Variants in DNMBP observed in about 807,000 individuals in gnomAD.
DNMBP encodes the protein dynamin binding protein, also known as dynamin-binding protein.
In DNMBP, 87 loss-of-function variants were observed where a neutral mutation model predicts 150.0. That is an observed-to-expected ratio of 0.58 (90% CI 0.49 to 0.69). DNMBP has a LOEUF of 0.69. Ranked by LOEUF, DNMBP falls within the 30% of genes least tolerant of loss-of-function variation. The pLI is 0.00. For synonymous variants in DNMBP, 711 were observed against 750.4 expected (o/e 0.95, Z 0.86); for missense variants, 1,774 against 1,949.0 (o/e 0.91, Z 1.69).
At chr10:100,009,005 A>T (rs1247514788) in intron 1 of DNMBP, among the ~76,000 whole-genome samples, 1 of 152,218 alleles carries the variant, frequency 6.6e-6, no homozygotes, top group Non-Finnish European at 1.5e-5. Context: ...TTAATACAAG[A>T]TCTTCATGTT....
At position 99,877,306 on chromosome 10, in the gene DNMBP, G is replaced by C. The variant is rs780944366; in HGVS notation, c.4579C>G (p.Arg1527Gly). 6.2e-7 allele frequency: 1 copy of C among 1,613,424 alleles called. No homozygotes were observed. ...VYFAVYTFKA[R>G]NPNELSVSAN... Reference sequence around the variant, plus strand: ...GACACGCTCAGCTCATTTGGGTTTCGTGCCTTGAAGGTGTAGACAGCAAAA... The same window carrying C: ...GACACGCTCAGCTCATTTGGGTTTCCTGCCTTGAAGGTGTAGACAGCAAAA... The change falls in exon 17 of 17, where the codon CGA (arginine) becomes GGA (glycine). Residue 1527 changes from arginine to glycine, a missense_variant. Transcript: ENST00000324109.
chr10:99,933,903 A>C (rs2040192603), intron 4 of DNMBP, among the ~76,000 whole-genome samples: 1 of 152,044 alleles, frequency 6.6e-6, no homozygotes. Flanking sequence ...TGCCCGGCTA[A>C]AGTTTTGTAA....
chr10:99,892,852 A>T (rs1447936577), intron 11 of DNMBP, among the ~76,000 whole-genome samples: 3 of 152,260 alleles, frequency 2.0e-5, no homozygotes, highest in African/African-American at 7.2e-5. Flanking sequence ...AAGAAGCCAT[A>T]AAATGCAAGT....
At chr10:99,930,359 C>T (rs2040136534) in intron 4 of DNMBP, 1 of 702,878 alleles carries the variant, frequency 1.4e-6, no homozygotes, top group Non-Finnish European at 2.6e-6. Context: ...AGCCATTTGC[C>T]TCCCCGTATC....
chr10:99,896,352 A>G lies in DNMBP; in HGVS notation c.2966T>C (p.Ile989Thr), dbSNP rs1424261292. Residue 989 changes from isoleucine (I) to threonine (T), a missense_variant, in exon 10 of 17, where the codon ATT becomes ACT. Physicochemically the swap from Ile to Thr is moderately conservative, Grantham distance 89. Transcript: ENST00000324109. ...GATGGAGTGGATGTTCAGTTTGGAAATTTTCTCCATAAGGCTATCTTCATC... is the reference window on the plus strand; with the variant it reads ...GATGGAGTGGATGTTCAGTTTGGAAGTTTTCTCCATAAGGCTATCTTCATC... ...KGDEDSLMEK[I>T]SKLNIHSIIK... 1.9e-6 allele frequency: 3 copies of G among 1,614,014 alleles called. No individual in the cohort carries two copies. Among genetic ancestry groups the G allele is most frequent in the Non-Finnish European group, 2.5e-6 (3 of 1,180,000 alleles).
chr10:99,917,231 C>T (rs1171014887), intron 4 of DNMBP, among the ~76,000 whole-genome samples: 1 of 152,086 alleles, frequency 6.6e-6, no homozygotes, highest in Admixed American at 6.6e-5. Flanking sequence ...GTGGCACGCG[C>T]CTATAATCCC....
At chr10:99,962,504 G>A (rs1366406567) in intron 3 of DNMBP, among the ~76,000 whole-genome samples, 9 of 152,172 alleles carry the variant, frequency 5.9e-5, no homozygotes, top group Admixed American at 5.2e-4. Flanking sequence ...GGTGGCGGGC[G>A]CCTGTAGTCC....
chr10:99,954,641 G>A (rs964823490), intron 4 of DNMBP, among the ~76,000 whole-genome samples: 7 of 151,868 alleles, frequency 4.6e-5, no homozygotes, highest in Admixed American at 1.3e-4. Context: ...CTACTCAGGA[G>A]GCTGAGGCAG....
At chr10:99,880,479 AC>A in intron 15 of DNMBP, 118 bp from the exon 16 acceptor site, 3 of 1,358,008 alleles carry the variant, frequency 2.2e-6, no homozygotes, top group Non-Finnish European at 9.7e-7. Flanking sequence ...GAAGAGTAAA[AC>A]AAAAACTCAA....
chr10:99,881,215 C>T (rs570131705), intron 15 of DNMBP, among the ~76,000 whole-genome samples: 37 of 152,090 alleles, frequency 2.4e-4, no homozygotes, highest in South Asian at 4.1e-4. Flanking sequence ...GCAACAAGAA[C>T]GAAACTCCGT....
At chr10:99,947,326 G>T (rs2040368655) in intron 4 of DNMBP, among the ~76,000 whole-genome samples, 1 of 152,170 alleles carries the variant, frequency 6.6e-6, no homozygotes, top group Non-Finnish European at 1.5e-5. Flanking sequence ...CCTATCAACA[G>T]TGGACTGGAT....
rs1564749453 is a variant in DNMBP at position 99,967,671 on chromosome 10, GTGTGTGT to G, written c.268+1437_268+1443del. ...AGAAGTTTGATAGGTTTTTCTGGGTGTGTGTGTGTGTGTGTGTGTGTGTGTGTGGGTA... is the reference window on the plus strand; with the variant it reads ...AGAAGTTTGATAGGTTTTTCTGGGTGGTGTGTGTGTGTGTGTGTGTGGGTA... On this transcript the variant is annotated intron_variant, in intron 3 of 16. Transcript: ENST00000324109. Among the ~76,000 whole-genome samples the G allele has an allele frequency of 9.5e-3, 1,350 of 142,126 alleles. 21 individuals carry two copies. Among genetic ancestry groups the G allele is most frequent in the Middle Eastern group, 0.047 (13 of 278 alleles). The allele number at this position is 142,126 out of a possible 152,430, so 93.2% of individuals were successfully genotyped here. A position where few individuals can be genotyped will look rare whatever the true frequency, so the allele number is the denominator to read the frequency against.
chr10:99,913,692 G>C (rs770989996), intron 4 of DNMBP, among the ~76,000 whole-genome samples: 1 of 151,976 alleles, frequency 6.6e-6, no homozygotes, highest in African/African-American at 2.4e-5. Flanking sequence ...AGCCCTTTCC[G>C]GTTAGTACAT....
intron 1 of DNMBP, among the ~76,000 whole-genome samples, chr10:99,974,480 G>A (rs944400648): frequency 3.3e-5 from 5 of 152,186 alleles, no homozygotes; most frequent in African/African-American, 1.2e-4. Flanking sequence ...AAGATCACCA[G>A]AGTATCCAGG....
intron 3 of DNMBP, among the ~76,000 whole-genome samples, chr10:99,958,942 G>A (rs2040530253): frequency 1.3e-5 from 2 of 152,192 alleles, no homozygotes; most frequent in Admixed American, 6.5e-5. Context: ...TGTCAACGAT[G>A]AATATTTGCA....
In DNMBP at chr10:99,997,927, CAAAAAAAA is replaced by C. The variant is rs71009798; in HGVS notation, c.-11+11903_-11+11910del. Among the ~76,000 whole-genome samples, 8 of 22,330 alleles carry C rather than the reference CAAAAAAAA, an allele frequency of 3.6e-4. No homozygotes were observed. The East Asian group carries it at 9.2e-3, about 26-fold the overall frequency. 14.6% of individuals were successfully genotyped at this position (22,330 alleles called of 152,430 possible). ...TGGGTGACAGAATGAGACTCTGTCTCAAAAAAAAAAAAAAAAAAAAAAAAAAGCTGGAC... is the reference window on the plus strand; with the variant it reads ...TGGGTGACAGAATGAGACTCTGTCTCAAAAAAAAAAAAAAAAAAGCTGGAC... On this transcript the variant is annotated intron_variant, in intron 1 of 16. Coordinates refer to ENST00000324109, the MANE Select transcript of DNMBP (RefSeq NM_015221.4).
chr10:99,995,028 A>T (rs1216724531), intron 1 of DNMBP, among the ~76,000 whole-genome samples: 1 of 151,160 alleles, frequency 6.6e-6, no homozygotes, highest in Non-Finnish European at 1.5e-5. Context: ...GCAGCTGGGC[A>T]TGCGCCACTG....
intron 1 of DNMBP, among the ~76,000 whole-genome samples, chr10:99,999,868 A>T (rs1183026061): frequency 6.6e-6 from 1 of 152,158 alleles, no homozygotes; most frequent in African/African-American, 2.4e-5. Context: ...GCAGAGTTTA[A>T]AATTTACTGG....
At chr10:99,930,959 CGAGCT>C (rs1360252384) in intron 4 of DNMBP, 1 of 479,318 alleles carries the variant, frequency 2.1e-6, no homozygotes, top group Non-Finnish European at 3.6e-6. Flanking sequence ...ATCCAATCAG[CGAGCT>C]ACTCTATCTT....
Sources: allele counts gnomAD v4.1 joint callset (sites outside exome capture counted in the v4.1 genomes callset), GRCh38; gene constraint gnomAD v4.1.1; transcripts MANE v1.5; gene names NCBI Gene and HGNC (gene_info 2026-07-23, HGNC 2026-07-21).